Variants in ST7 observed in about 807,000 individuals in gnomAD.
The protein encoded by ST7 is suppressor of tumorigenicity 7 protein.
Under a neutral mutation model 78.7 loss-of-function variants are expected in ST7, and 28 were observed. The observed-to-expected ratio is 0.36, with a 90% CI of 0.26 to 0.49. ST7 has a LOEUF of 0.49. Ranked by LOEUF, ST7 falls within the 20% of genes least tolerant of loss-of-function variation. The pLI, the probability that ST7 is intolerant of heterozygous loss-of-function variation, is 0.99. For synonymous variants in ST7, 247 were observed against 249.6 expected (o/e 0.99, Z 0.10); for missense variants, 418 against 696.0 (o/e 0.60, Z 4.49).
At chr7:116,985,575 G>A (rs1419224778) in intron 1 of ST7, among the ~76,000 whole-genome samples, 1 of 152,086 alleles carries the variant, frequency 6.6e-6, no homozygotes, top group Non-Finnish European at 1.5e-5. Context: ...CAAATTCAAC[G>A]TGCCTCACAT....
chr7:116,981,680 A>C (rs976233422), intron 1 of ST7, among the ~76,000 whole-genome samples: 2 of 152,190 alleles, frequency 1.3e-5, no homozygotes, highest in African/African-American at 2.4e-5. Context: ...TGTGTTGCTT[A>C]ATGACAATCC....
At chr7:117,015,096 A>G (rs1795545564) in intron 1 of ST7, 2 of 710,720 alleles carry the variant, frequency 2.8e-6, no homozygotes, top group Non-Finnish European at 4.0e-6. Flanking sequence ...TAAAAACTAC[A>G]TTGATTGTGT....
At chr7:117,163,202 A>G (rs1335745816) in intron 9 of ST7, among the ~76,000 whole-genome samples, 1 of 152,032 alleles carries the variant, frequency 6.6e-6, no homozygotes, top group Non-Finnish European at 1.5e-5. Context: ...TGTTGATTCC[A>G]TGTCTTGGCT....
chr7:117,118,773 G>T (rs1004512246), intron 2 of ST7, among the ~76,000 whole-genome samples: 4 of 152,164 alleles, frequency 2.6e-5, no homozygotes, highest in Admixed American at 2.6e-4. Context: ...AGGTAAGAAG[G>T]GTTGGGGGAG....
In ST7 at chr7:117,196,890, C is replaced by T. The variant is rs559683745; in HGVS notation, c.1254+5954C>T. On this transcript the variant is annotated intron_variant, in intron 12 of 15. Coordinates refer to ENST00000323984, the MANE Select transcript of ST7 (RefSeq NM_001369598.1). The stretch of plus-strand genomic sequence containing the variant: ...CTAAAACTAATGTCATGAAGTTTTT[C>T]GCTCCTTTACTTTCTTCTAGGAGTT... Among the ~76,000 whole-genome samples the T allele has an allele frequency of 5.7e-4, 86 of 151,854 alleles. 1 individual carries two copies. Among genetic ancestry groups the T allele is most frequent in the Non-Finnish European group, 1.0e-3 (69 of 67,970 alleles).
intron 15 of ST7, chr7:117,222,803 G>A (rs897557006): frequency 2.4e-5 from 30 of 1,276,318 alleles, no homozygotes; most frequent in African/African-American, 7.3e-5. Flanking sequence ...ATTTCAAGGC[G>A]AGTGCAATCA....
At chr7:117,065,154 A>G (rs1239550715) in intron 1 of ST7, among the ~76,000 whole-genome samples, 1 of 151,516 alleles carries the variant, frequency 6.6e-6, no homozygotes, top group Non-Finnish European at 1.5e-5. Context: ...CCAAGATTCT[A>G]TAGCAAGTTA....
At chr7:117,076,045 C>A (rs1204267861) in intron 1 of ST7, among the ~76,000 whole-genome samples, 2 of 152,152 alleles carry the variant, frequency 1.3e-5, no homozygotes, top group Non-Finnish European at 2.9e-5. Flanking sequence ...CACATTGTTA[C>A]ATTGCTTACC....
chr7:117,041,392 G>C (rs986647515), intron 1 of ST7, among the ~76,000 whole-genome samples: 1 of 152,194 alleles, frequency 6.6e-6, no homozygotes, highest in Non-Finnish European at 1.5e-5. Flanking sequence ...AAATTAGCCA[G>C]AGCTATAAGA....
intron 1 of ST7, among the ~76,000 whole-genome samples, chr7:117,034,629 A>G (rs1796783573): frequency 6.6e-6 from 1 of 152,238 alleles, no homozygotes; most frequent in Non-Finnish European, 1.5e-5. Context: ...TCTAAATACT[A>G]ATAATCACTC....
At chr7:116,955,178 T>C (rs1360759349) in intron 1 of ST7, 3 of 458,682 alleles carry the variant, frequency 6.5e-6, no homozygotes, top group African/African-American at 4.1e-5. Context: ...TACCTTCTGG[T>C]CTCAAAGTTC....
In ST7 at chr7:117,193,343, T is replaced by C. The variant is rs113750661; in HGVS notation, c.1254+2407T>C. Among the ~76,000 whole-genome samples the C allele has an allele frequency of 1.8e-3, 269 of 152,304 alleles. 1 individual carries two copies. The highest frequency in any genetic ancestry group is 4.2e-3 in the African/African-American group (175 of 41,578). On this transcript the variant is annotated intron_variant, in intron 12 of 15. Coordinates refer to ENST00000323984, the MANE Select transcript of ST7 (RefSeq NM_001369598.1). ...CCTTATAATGATACTGTGATAACCA[T>C]TTTTATTATTGGTTTCTTTTGAATG...
In ST7 at chr7:117,134,446, C is replaced by T. The variant is rs569109328; in HGVS notation, c.710+254C>T. ...AGCATGTTTCTATCCCAAACTCATG[C>T]GTTTCCACATAGATGTATGTTTCTT... is the stretch of plus-strand genomic sequence containing the variant. On this transcript the variant is annotated intron_variant, in intron 7 of 15. Transcript: ENST00000323984. Among the ~76,000 whole-genome samples, 16 of 152,078 alleles carry T rather than the reference C, an allele frequency of 1.1e-4. 1 individual carries two copies. Among genetic ancestry groups the T allele is most frequent in the South Asian group, 2.1e-4 (1 of 4,824 alleles).
At chr7:117,197,180 A>G (rs1810398810) in intron 12 of ST7, among the ~76,000 whole-genome samples, 1 of 152,070 alleles carries the variant, frequency 6.6e-6, no homozygotes, top group Non-Finnish European at 1.5e-5. Flanking sequence ...GACTATAGGT[A>G]TGCGCCCCTA....
At chr7:117,132,096 A>G in intron 6 of ST7, 136 bp downstream of exon 6, 1 of 904,046 alleles carries the variant, frequency 1.1e-6, no homozygotes, top group Non-Finnish European at 1.6e-6. Flanking sequence ...ACTCTATTTA[A>G]AAAAGTTTTT....
At chr7:116,987,849 G>A (rs184902331) in intron 1 of ST7, among the ~76,000 whole-genome samples, 3 of 152,094 alleles carry the variant, frequency 2.0e-5, no homozygotes, top group Non-Finnish European at 2.9e-5. Flanking sequence ...TCAGCCTCCC[G>A]AGTAGCTGGG....
Position 117,209,950 on chromosome 7 carries a change from C to A in ST7, c.1405+13C>A. 1 of 1,601,564 alleles carries A rather than the reference C, an allele frequency of 6.2e-7. No individual in the cohort carries two copies. The highest frequency in any genetic ancestry group is 8.5e-7 in the Non-Finnish European group (1 of 1,177,080). On this transcript the variant is annotated intron_variant, in intron 13 of 15. Coordinates refer to ENST00000323984, the MANE Select transcript of ST7 (RefSeq NM_001369598.1). ...ACGTGGGAAGGCAGTAAGTAATTTT[C>A]TTTTTTTGAAACATTTTTAAGAGCA...
At chr7:117,002,260 T>TA (rs1165364757) in intron 1 of ST7, among the ~76,000 whole-genome samples, 4 of 151,996 alleles carry the variant, frequency 2.6e-5, no homozygotes, top group African/African-American at 9.7e-5. Flanking sequence ...ATACTTTATT[T>TA]ATTTTATATA....
chr7:117,210,072 G>C, intron 13 of ST7, 135 bp downstream of exon 13: 1 of 1,055,704 alleles, frequency 9.5e-7, no homozygotes, highest in Non-Finnish European at 1.3e-6. Context: ...ATCTAAGCCA[G>C]TTAGTGACTT....
Sources: gnomAD v4.1 joint callset for allele counts (sites outside exome capture counted in the v4.1 genomes callset) on GRCh38, gnomAD v4.1.1 for gene constraint, MANE v1.5 for transcripts, NCBI Gene and HGNC (gene_info 2026-07-23, HGNC 2026-07-21) for gene names.